Variants in CLRN3 observed in about 807,000 individuals in gnomAD.
The protein encoded by CLRN3 is clarin-3.
A neutral mutation model predicts 16.7 loss-of-function variants in CLRN3; 12 were observed. The ratio of observed to expected loss-of-function variants is 0.72; its 90% confidence interval spans 0.46 to 1.16. The LOEUF (loss-of-function observed/expected upper bound fraction) is 1.16. Among genes scored for constraint, CLRN3 ranks in the 50% most tolerant of loss-of-function variants. The pLI is 0.00. For synonymous variants in CLRN3, 118 were observed against 113.0 expected (o/e 1.04, Z -0.28); for missense variants, 296 against 274.2 (o/e 1.08, Z -0.56).
chr10:127,892,917 T>C lies in CLRN3; in HGVS notation c.-133A>G. On this transcript the variant is annotated 5_prime_UTR_variant, in exon 1 of 3. Coordinates refer to ENST00000368671, the MANE Select transcript of CLRN3 (RefSeq NM_152311.5). ...TATTGTCAAATATAAAATCTCACTCTTCCTGAGGAAGGGTTATGCTAATGG... is the reference window on the plus strand; with the variant it reads ...TATTGTCAAATATAAAATCTCACTCCTCCTGAGGAAGGGTTATGCTAATGG... 3.2e-6 allele frequency: 2 copies of C among 626,560 alleles called. No individual in the cohort carries two copies. Among genetic ancestry groups the C allele is most frequent in the Non-Finnish European group, 5.6e-6 (2 of 357,116 alleles). 38.8% of individuals were successfully genotyped at this position (626,560 alleles called of 1,614,324 possible). A position where few individuals can be genotyped will look rare whatever the true frequency, so the allele number is the denominator to read the frequency against.
At chr10:127,884,952 G>A (rs761886563) in intron 1 of CLRN3, among the ~76,000 whole-genome samples, 2 of 152,228 alleles carry the variant, frequency 1.3e-5, no homozygotes, top group Admixed American at 6.5e-5. Flanking sequence ...AGAGTTCCGA[G>A]TCACAGTAAG....
intron 1 of CLRN3, among the ~76,000 whole-genome samples, chr10:127,887,148 C>T (rs1248304297): frequency 2.0e-5 from 3 of 152,030 alleles, no homozygotes; most frequent in African/African-American, 7.3e-5. Context: ...AGGGGGACAC[C>T]GGAGGAGAGA....
chr10:127,888,084 T>C (rs1845217958), intron 1 of CLRN3, among the ~76,000 whole-genome samples: 1 of 152,232 alleles, frequency 6.6e-6, no homozygotes, highest in Non-Finnish European at 1.5e-5. Flanking sequence ...GTTCTGGTTT[T>C]CTGTAAGTCC....
chr10:127,892,586 C>A lies in CLRN3; in HGVS notation c.199G>T (p.Gly67Ter). The stretch of plus-strand genomic sequence containing the variant: ...AACTTTTTCTTTGGTTCTGCAAGTC[C>A]GTGACTCAATTCTTCACTACTCTCC... Reference protein sequence around the residue: ...RGESSEELSHGLAEPKKKFAV... With the variant: ...RGESSEELSH Residue 67 changes from glycine to a stop codon, truncating the protein, a stop_gained, in exon 1 of 3, where the codon GGA becomes TGA. Transcript: ENST00000368671. LOFTEE classifies it high-confidence loss of function. 1 of 1,607,850 alleles carries A rather than the reference C, an allele frequency of 6.2e-7. No homozygotes were observed. The highest frequency in any genetic ancestry group is 8.5e-7 in the Non-Finnish European group (1 of 1,174,298).
chr10:127,883,877 TA>T lies in CLRN3; in HGVS notation c.230-3del, dbSNP rs772472987. On this transcript the variant is annotated splice_region_variant and splice_polypyrimidine_tract_variant and intron_variant, in intron 1 of 2. Transcript: ENST00000368671. ...AAGAATTATTCAGTATCTCTAAAACTAAAACAATGTTTTGTGAGTGCATAGC... is the reference window on the plus strand; with the variant it reads ...AAGAATTATTCAGTATCTCTAAAACTAAACAATGTTTTGTGAGTGCATAGC... 1 of 1,613,998 alleles carries T rather than the reference TA, an allele frequency of 6.2e-7. No individual in the cohort carries two copies. Among genetic ancestry groups the T allele is most frequent in the East Asian group, 2.2e-5 (1 of 44,886 alleles).
Position 127,892,546 on chromosome 10 carries a change from T to C in CLRN3, c.229+10A>G. The C allele has an allele frequency of 7.2e-7, 1 of 1,388,294 alleles. No individual in the cohort carries two copies. The highest frequency in any genetic ancestry group is 1.0e-6 in the Non-Finnish European group (1 of 973,528). 86.0% of individuals were successfully genotyped at this position (1,388,294 alleles called of 1,614,324 possible). A position where few individuals can be genotyped will look rare whatever the true frequency, so the allele number is the denominator to read the frequency against. ...CTCACTATATTCATTCAAATTAGTTTATCATTTACCTGCAAACTTTTTCTT... is the reference window on the plus strand; with the variant it reads ...CTCACTATATTCATTCAAATTAGTTCATCATTTACCTGCAAACTTTTTCTT... On this transcript the variant is annotated intron_variant, in intron 1 of 2. Transcript: ENST00000368671.
chr10:127,878,004 CA>C lies in CLRN3; in HGVS notation c.*144del. On this transcript the variant is annotated 3_prime_UTR_variant, in exon 3 of 3. Coordinates refer to ENST00000368671, the MANE Select transcript of CLRN3 (RefSeq NM_152311.5). ...GGAAAAATTTTCAGGAGTACAGCATCAATGAAGAACACAGTGTCATGAAACA... is the reference window on the plus strand; with the variant it reads ...GGAAAAATTTTCAGGAGTACAGCATCATGAAGAACACAGTGTCATGAAACA... The C allele has an allele frequency of 9.9e-7, 1 of 1,014,510 alleles. No homozygotes were observed. Among genetic ancestry groups the C allele is most frequent in the Non-Finnish European group, 1.4e-6 (1 of 705,422 alleles). The allele number at this position is 1,014,510 out of a possible 1,614,324, so 62.8% of individuals were successfully genotyped here.
intron 1 of CLRN3, among the ~76,000 whole-genome samples, chr10:127,890,178 G>A (rs963252641): frequency 2.0e-5 from 3 of 152,206 alleles, no homozygotes; most frequent in Non-Finnish European, 4.4e-5. Flanking sequence ...CAGCTGCTCA[G>A]GGAAGTTTTT....
chr10:127,886,105 G>T (rs1007750845), intron 1 of CLRN3, among the ~76,000 whole-genome samples: 8 of 152,080 alleles, frequency 5.3e-5, no homozygotes, highest in Admixed American at 5.2e-4. Context: ...GCCCAGGCTG[G>T]TCTCCAATTC....
intron 2 of CLRN3, among the ~76,000 whole-genome samples, chr10:127,879,274 A>G (rs896830768): frequency 6.6e-6 from 1 of 152,000 alleles, no homozygotes; most frequent in Non-Finnish European, 1.5e-5. Flanking sequence ...ATGCTTGACT[A>G]ATTTTTTATG....
intron 1 of CLRN3, among the ~76,000 whole-genome samples, chr10:127,887,798 A>G (rs1034477033): frequency 6.6e-6 from 1 of 152,214 alleles, no homozygotes. Flanking sequence ...TCTGCCTACA[A>G]AATTAGCAAA....
chr10:127,891,030 G>C (rs920057322), intron 1 of CLRN3, among the ~76,000 whole-genome samples: 1 of 152,182 alleles, frequency 6.6e-6, no homozygotes, highest in Non-Finnish European at 1.5e-5. Flanking sequence ...TGGCTCCCCA[G>C]TAACAGAGAC....
chr10:127,878,920 G>C (rs1197893017), intron 2 of CLRN3, among the ~76,000 whole-genome samples: 2 of 152,126 alleles, frequency 1.3e-5, no homozygotes. Context: ...CCTAAGAACT[G>C]GGTACGGAGA....
chr10:127,890,168 C>G (rs1845242842), intron 1 of CLRN3, among the ~76,000 whole-genome samples: 1 of 152,232 alleles, frequency 6.6e-6, no homozygotes, highest in Non-Finnish European at 1.5e-5. Context: ...ATACATGCAG[C>G]AGCTGCTCAG....
intron 1 of CLRN3, among the ~76,000 whole-genome samples, chr10:127,887,316 G>A (rs1190581321): frequency 6.6e-6 from 1 of 152,118 alleles, no homozygotes; most frequent in Non-Finnish European, 1.5e-5. Context: ...AAAGTTTGCT[G>A]GGGACTAAAT....
At chr10:127,886,785 C>T (rs1564779493) in intron 1 of CLRN3, among the ~76,000 whole-genome samples, 1 of 152,240 alleles carries the variant, frequency 6.6e-6, no homozygotes, top group Admixed American at 6.5e-5. Flanking sequence ...CCAGCTCGCA[C>T]AGGTACAGCC....
In CLRN3 at chr10:127,883,953, T is replaced by C; in HGVS notation, c.230-78A>G. On this transcript the variant is annotated intron_variant, in intron 1 of 2. Transcript: ENST00000368671. The stretch of plus-strand genomic sequence containing the variant: ...CCTGGCATTCCTCCCCACCCTACCC[T>C]CTTAGTGACTTGAGTTACTGGTTGT... 4 of 1,339,488 alleles carry C rather than the reference T, an allele frequency of 3.0e-6. 1 individual carries two copies. In the South Asian group the frequency reaches 3.6e-5, roughly 12 times the overall value. 83.0% of individuals were successfully genotyped at this position (1,339,488 alleles called of 1,614,324 possible). A position where few individuals can be genotyped will look rare whatever the true frequency, so the allele number is the denominator to read the frequency against.
chr10:127,879,851 T>C (rs2135076640), intron 2 of CLRN3, among the ~76,000 whole-genome samples: 1 of 152,244 alleles, frequency 6.6e-6, no homozygotes, highest in Admixed American at 6.5e-5. Flanking sequence ...ATGAGGCCGG[T>C]GAGCAGGCTC....
In CLRN3 at chr10:127,892,847, C is replaced by A; in HGVS notation, c.-63G>T. 8 of 965,878 alleles carry A rather than the reference C, an allele frequency of 8.3e-6. No homozygotes were observed. The highest frequency in any genetic ancestry group is 1.9e-5 in the Admixed American group (1 of 53,028). The allele number at this position is 965,878 out of a possible 1,614,324, so 59.8% of individuals were successfully genotyped here. A position where few individuals can be genotyped will look rare whatever the true frequency, so the allele number is the denominator to read the frequency against. On this transcript the variant is annotated 5_prime_UTR_variant, in exon 1 of 3. Coordinates refer to ENST00000368671, the MANE Select transcript of CLRN3 (RefSeq NM_152311.5). ...AATATCTTCTTATAACACTTTTGAA[C>A]CTTATCTTTTGAAGTCTGGTATTTA... is the stretch of plus-strand genomic sequence containing the variant.
Sources: gnomAD v4.1 joint callset for allele counts (sites outside exome capture counted in the v4.1 genomes callset) on GRCh38, gnomAD v4.1.1 for gene constraint, MANE v1.5 for transcripts, NCBI Gene and HGNC (gene_info 2026-07-23, HGNC 2026-07-21) for gene names.